MYO18A: variants seen among roughly 807,000 people sequenced by gnomAD.
MYO18A encodes the protein unconventional myosin-XVIIIa.
A neutral mutation model predicts 235.8 loss-of-function variants in MYO18A; 78 were observed. The ratio of observed to expected loss-of-function variants is 0.33; its 90% CI spans 0.28 to 0.40. MYO18A has a LOEUF of 0.40. Ranked by LOEUF, MYO18A falls within the 10% of genes least tolerant of loss-of-function variation. The pLI is 1.00. For synonymous variants in MYO18A, 977 were observed against 1,077.8 expected, an observed-to-expected ratio of 0.91 and a Z score of 1.83; for missense variants, 2,215 against 2,699.3, an observed-to-expected ratio of 0.82 and a Z score of 3.98.
rs200970262 is a variant in MYO18A, at chr17:29,098,392, G to T, written c.3834C>A (p.Asn1278Lys). The T allele has an allele frequency of 6.2e-7, 1 of 1,613,836 alleles. No homozygotes were observed. ...SKLEKAEKER[N>K]ELRLNSDRLE... is the part of the protein sequence containing the mutation. ...GCCGGTCACTGTTGAGCCGCAGCTC[G>T]TTCCTCTCCTTCTCCGCCTTCTCGA... Residue 1278 changes from asparagine (N) to lysine (K), a missense_variant, in exon 24 of 42, where the codon AAC becomes AAA. Coordinates refer to ENST00000527372, the MANE Select transcript of MYO18A (RefSeq NM_078471.4).
chr17:29,135,579 A>C (rs1156711402), intron 2 of MYO18A, among the ~76,000 whole-genome samples: 1 of 152,040 alleles, frequency 6.6e-6, no homozygotes, highest in African/African-American at 2.4e-5. Context: ...TTGATCTTTG[A>C]TCTCTTGTTC....
intron 37 of MYO18A, among the ~76,000 whole-genome samples, chr17:29,089,557 G>A (rs1275720279): frequency 6.6e-6 from 1 of 151,866 alleles, no homozygotes; most frequent in East Asian, 1.9e-4. Context: ...AAGCAGGGAA[G>A]GGGAGAGGAG....
In MYO18A at chr17:29,098,199, G is replaced by A. The variant is rs757828160; in HGVS notation, c.3896C>T (p.Thr1299Ile). The A allele has an allele frequency of 6.2e-7, 1 of 1,614,014 alleles. No individual in the cohort carries two copies. Among genetic ancestry groups the A allele is most frequent in the Non-Finnish European group, 8.5e-7 (1 of 1,179,886 alleles). Reference protein sequence around the residue: ...SRISELTSELTDERNTGESAS... With the variant: ...SRISELTSELIDERNTGESAS... Reference sequence around the variant, plus strand: ...GGACTCTCCTGTGTTACGCTCATCTGTCAGCTCCGATGTCAGCTCTGAGAT... The same window carrying A: ...GGACTCTCCTGTGTTACGCTCATCTATCAGCTCCGATGTCAGCTCTGAGAT... Residue 1299 changes from threonine (T) to isoleucine (I), a missense_variant, in exon 25 of 42, where the codon ACA becomes ATA. Thr to Ile is a moderately conservative substitution (Grantham distance 89). Coordinates refer to ENST00000527372, the MANE Select transcript of MYO18A (RefSeq NM_078471.4).
Position 29,166,068 on chromosome 17 carries a change from C to T in MYO18A, c.873G>A (p.Glu291=). 2 of 1,613,810 alleles carry T rather than the reference C, an allele frequency of 1.2e-6. No individual in the cohort carries two copies. Among genetic ancestry groups the T allele is most frequent in the Non-Finnish European group, 1.7e-6 (2 of 1,179,908 alleles). Residue 291 remains glutamate (E), a synonymous_variant, in exon 2 of 42, where the codon GAG becomes GAA. Transcript: ENST00000527372. ...CTGACTGCCGGATCATCTCCACAATCTCATCCCTGGACTTGCTCTCCACAT... is the reference window on the plus strand; with the variant it reads ...CTGACTGCCGGATCATCTCCACAATTTCATCCCTGGACTTGCTCTCCACAT... ...GHNVESKSRD[E]IVEMIRQSGD... is the part of the protein sequence containing the mutation.
chr17:29,079,040 G>C (rs958731098), intron 41 of MYO18A, among the ~76,000 whole-genome samples: 1 of 152,170 alleles, frequency 6.6e-6, no homozygotes, highest in East Asian at 1.9e-4. Flanking sequence ...ATCTATGCCA[G>C]AGAGGAAGGT....
rs1221900819 is a variant in MYO18A at position 29,090,570 on chromosome 17, C to G, written c.5350G>C (p.Glu1784Gln). 4 of 1,600,542 alleles carry G rather than the reference C, an allele frequency of 2.5e-6. No individual in the cohort carries two copies. Among genetic ancestry groups the G allele is most frequent in the Non-Finnish European group, 3.4e-6 (4 of 1,172,910 alleles). ...AQINDLQAQL[E>Q]EANKEKQELQ... is the part of the protein sequence containing the mutation. Reference sequence around the variant, plus strand: ...TCCTGCTTCTCTTTGTTGGCTTCTTCTAGCTGAGCTTGGAGATCATTTATC... The same window carrying G: ...TCCTGCTTCTCTTTGTTGGCTTCTTGTAGCTGAGCTTGGAGATCATTTATC... Residue 1784 changes from glutamate (E) to glutamine (Q), a missense_variant, in exon 36 of 42, where the codon GAA (glutamate) becomes CAA (glutamine). Physicochemically the swap from Glu to Gln is conservative, Grantham distance 29 (BLOSUM62 2). Transcript: ENST00000527372.
chr17:29,166,855 G>A lies in MYO18A; in HGVS notation c.86C>T (p.Ser29Leu). Residue 29 changes from serine to leucine, a missense_variant, in exon 2 of 42, where the codon TCA becomes TTA. Ser to Leu is a moderately radical substitution (Grantham distance 145, BLOSUM62 -2). Transcript: ENST00000527372. ...CTCCAGGCTCCGAAGCTCTGCCGCT[G>A]ACATCCGCTCCTTTTTCTCCTTTTT... is the stretch of plus-strand genomic sequence containing the variant. ...KEKKEKKERM[S>L]AAELRSLEEM... 5 of 1,566,060 alleles carry A rather than the reference G, an allele frequency of 3.2e-6. No individual in the cohort carries two copies. The highest frequency in any genetic ancestry group is 4.3e-6 in the Non-Finnish European group (5 of 1,155,806).
intron 2 of MYO18A, among the ~76,000 whole-genome samples, chr17:29,144,402 A>G (rs2067804231): frequency 6.6e-6 from 1 of 151,824 alleles, no homozygotes; most frequent in Non-Finnish European, 1.5e-5. Context: ...GACCCTCTCC[A>G]TCTCTCCAGG....
At position 29,115,659 on chromosome 17, in the gene MYO18A, G is replaced by A. The variant is rs1293659605; in HGVS notation, c.2227+5C>T. 5.7e-6 allele frequency: 9 copies of A among 1,589,380 alleles called. No homozygotes were observed. Among genetic ancestry groups the A allele is most frequent in the Non-Finnish European group, 7.7e-6 (9 of 1,168,556 alleles). On this transcript the variant is annotated splice_donor_5th_base_variant and intron_variant, in intron 12 of 41. Coordinates refer to ENST00000527372, the MANE Select transcript of MYO18A (RefSeq NM_078471.4). ...CACAACTACCAGCCAAGGGACAAAG[G>A]GTACCTGTCCCATCTCCCAGGCCAC... is the stretch of plus-strand genomic sequence containing the variant.
intron 2 of MYO18A, among the ~76,000 whole-genome samples, chr17:29,157,822 C>A (rs941491491): frequency 1.3e-5 from 2 of 151,788 alleles, no homozygotes; most frequent in African/African-American, 4.8e-5. Flanking sequence ...TGCTCTGTGT[C>A]CCAGGCTGGA....
intron 2 of MYO18A, among the ~76,000 whole-genome samples, chr17:29,148,275 GTACTAATTA>G: frequency 6.6e-6 from 1 of 152,118 alleles, no homozygotes; most frequent in Non-Finnish European, 1.5e-5. Context: ...CCATAAATGG[GTACTAATTA>G]TATGATCCTT....
chr17:29,131,234 C>T, intron 2 of MYO18A: 1 of 269,864 alleles, frequency 3.7e-6, no homozygotes, highest in Non-Finnish European at 5.7e-6. Context: ...CCTGCAATCC[C>T]CACCTACTCC....
chr17:29,164,288 G>A lies in MYO18A; in HGVS notation c.999+1654C>T, dbSNP rs550813701. On this transcript the variant is annotated intron_variant, in intron 2 of 41. Coordinates refer to ENST00000527372, the MANE Select transcript of MYO18A (RefSeq NM_078471.4). Reference sequence around the variant, plus strand: ...TAACCTGGTGGCTAAAACATAGTAGGTGCTCAATGTGTGCTTCTGGAATGA... The same window carrying A: ...TAACCTGGTGGCTAAAACATAGTAGATGCTCAATGTGTGCTTCTGGAATGA... 3.9e-5 allele frequency among the ~76,000 whole-genome samples: 6 copies of A among 152,332 alleles called. No homozygotes were observed. The South Asian group carries it at 6.2e-4, about 16-fold the overall frequency.
At chr17:29,076,562 C>A (rs2065984451) in intron 41 of MYO18A, 1 of 152,148 alleles carries the variant, frequency 6.6e-6, no homozygotes, top group African/African-American at 2.4e-5. Flanking sequence ...CAGGATAGCA[C>A]AAAACACATT....
intron 2 of MYO18A, among the ~76,000 whole-genome samples, chr17:29,149,006 C>T (rs1296514185): frequency 6.6e-6 from 1 of 152,228 alleles, no homozygotes; most frequent in African/African-American, 2.4e-5. Context: ...GGAAGCTCCG[C>T]CCTGCAGCGC....
chr17:29,140,114 A>C lies in MYO18A; in HGVS notation c.1000-17861T>G, dbSNP rs1411516566. Among the ~76,000 whole-genome samples, 1 of 152,160 alleles carries C rather than the reference A, an allele frequency of 6.6e-6. No homozygotes were observed. The highest frequency in any genetic ancestry group is 1.5e-5 in the Non-Finnish European group (1 of 68,022). ...ACTCCTGAAGTCATGAGTCAGGCCC[A>C]GGATGCCCTGCTCCTAGCCACGGAG... is the stretch of plus-strand genomic sequence containing the variant. On this transcript the variant is annotated intron_variant, in intron 2 of 41. Transcript: ENST00000527372. The surrounding 1 kb of genome is among the most constrained non-coding windows in gnomAD (Gnocchi z 4.2).
chr17:29,080,293 G>C (rs890070792), intron 41 of MYO18A: 1 of 985,982 alleles, frequency 1.0e-6, no homozygotes, highest in Non-Finnish European at 1.2e-6. Flanking sequence ...GTCCAGGTAG[G>C]AGTGACGGCT....
chr17:29,153,821 TG>T (rs2068005666), intron 2 of MYO18A, among the ~76,000 whole-genome samples: 1 of 151,850 alleles, frequency 6.6e-6, no homozygotes, highest in South Asian at 2.1e-4. Flanking sequence ...TTGAAGAAAA[TG>T]GGCGGGACAA....
At position 29,117,055 on chromosome 17, in the gene MYO18A, C is replaced by A. The variant is rs890525837; in HGVS notation, c.2039-600G>T. ...CACCCATTCCTCCATACACCCACCACCTGCCAGGACTTTCTCACTCCAGCT... is the reference window on the plus strand; with the variant it reads ...CACCCATTCCTCCATACACCCACCAACTGCCAGGACTTTCTCACTCCAGCT... On this transcript the variant is annotated intron_variant, in intron 10 of 41. Transcript: ENST00000527372. This position sits in a 1 kb window ranked among gnomAD's most constrained non-coding sequence, Gnocchi z 4.6. 6.6e-6 allele frequency among the ~76,000 whole-genome samples: 1 copy of A among 152,254 alleles called. No individual in the cohort carries two copies. Among genetic ancestry groups the A allele is most frequent in the South Asian group, 2.1e-4 (1 of 4,824 alleles).
Sources: allele counts gnomAD v4.1 joint callset (sites outside exome capture counted in the v4.1 genomes callset), GRCh38; gene constraint gnomAD v4.1.1; non-coding constraint Gnocchi (gnomAD v3.1); transcripts MANE v1.5; gene names NCBI Gene and HGNC (gene_info 2026-07-23, HGNC 2026-07-21).